SOX5: variants seen among roughly 807,000 people sequenced by gnomAD.
SOX5 encodes transcription factor SOX-5.
Under a neutral mutation model 92.0 loss-of-function variants are expected in SOX5, and 9 were observed. The ratio of observed to expected loss-of-function variants is 0.10; its 90% CI spans 0.06 to 0.17. The LOEUF (loss-of-function observed/expected upper bound fraction) is 0.17. SOX5 is among the 10% of genes least tolerant of loss of function. The pLI is 1.00. For missense variants in SOX5, 642 were observed against 944.5 expected, an observed-to-expected ratio of 0.68 and a Z score of 4.20; for synonymous variants, 344 against 336.3, an observed-to-expected ratio of 1.02 and a Z score of -0.25.
intron 1 of SOX5, among the ~76,000 whole-genome samples, chr12:24,512,202 C>G (rs983726356): frequency 6.6e-6 from 1 of 152,092 alleles, no homozygotes; most frequent in Non-Finnish European, 1.5e-5. Context: ...TGAATGAACT[C>G]GAGGTAAAGT....
chr12:23,654,164 C>A (rs780942042), intron 7 of SOX5, among the ~76,000 whole-genome samples: 2 of 151,794 alleles, frequency 1.3e-5, no homozygotes, highest in African/African-American at 4.8e-5. Flanking sequence ...GATAATGAAA[C>A]GGGACAGAGA....
intron 6 of SOX5, among the ~76,000 whole-genome samples, chr12:23,711,679 G>A (rs78146267): frequency 0.04 from 6,016 of 152,130 alleles, 205 homozygotes; most frequent in East Asian, 0.12. Flanking sequence ...AACAGAAAAC[G>A]TTAACAGAAA....
chr12:24,133,204 C>T (rs920718616), intron 4 of SOX5, among the ~76,000 whole-genome samples: 1 of 152,092 alleles, frequency 6.6e-6, no homozygotes. Context: ...CTTGCTACTG[C>T]GAGCAAGTAG....
chr12:24,060,243 C>A (rs1309808455), intron 4 of SOX5, among the ~76,000 whole-genome samples: 1 of 152,144 alleles, frequency 6.6e-6, no homozygotes. Context: ...GAAGTAGATA[C>A]AATTATTATC....
intron 4 of SOX5, among the ~76,000 whole-genome samples, chr12:24,122,952 T>C (rs1001486232): frequency 2.0e-5 from 3 of 152,232 alleles, no homozygotes; most frequent in Admixed American, 6.5e-5. Context: ...AGAGGCAAGT[T>C]CAATGTCAAC....
chr12:24,129,338 T>A (rs1395227370), intron 4 of SOX5, among the ~76,000 whole-genome samples: 1 of 152,170 alleles, frequency 6.6e-6, no homozygotes, highest in East Asian at 1.9e-4. Context: ...CCTTTACTAA[T>A]TTTTTTAAAG....
At chr12:23,563,684 T>A (rs1946594699) in intron 10 of SOX5, among the ~76,000 whole-genome samples, 1 of 152,248 alleles carries the variant, frequency 6.6e-6, no homozygotes, top group Non-Finnish European at 1.5e-5. Context: ...GAAAACCTAA[T>A]TTTTAAGTAA....
intron 8 of SOX5, among the ~76,000 whole-genome samples, chr12:23,631,555 A>G (rs1025312189): frequency 6.6e-6 from 1 of 152,122 alleles, no homozygotes; most frequent in African/African-American, 2.4e-5. Context: ...TATGTTTATT[A>G]GCCCAGAAAC....
chr12:23,577,271 C>T (rs1293546308), intron 9 of SOX5, among the ~76,000 whole-genome samples: 1 of 142,862 alleles, frequency 7.0e-6, no homozygotes, highest in Admixed American at 7.3e-5. Context: ...CTCGGCTCAT[C>T]GTGATCTCCG....
chr12:24,133,223 GTACA>G (rs1219931591), intron 4 of SOX5, among the ~76,000 whole-genome samples: 1 of 152,178 alleles, frequency 6.6e-6, no homozygotes, highest in Non-Finnish European at 1.5e-5. Flanking sequence ...AGATTACTCT[GTACA>G]TGTCACTCCC....
intron 13 of SOX5, among the ~76,000 whole-genome samples, chr12:23,539,596 G>T (rs1325957004): frequency 8.7e-6 from 1 of 114,794 alleles, no homozygotes; most frequent in East Asian, 3.1e-4. Flanking sequence ...AAAGAAAGCT[G>T]GTCTGGCTTA....
At chr12:23,797,162 G>A (rs914072726) in intron 3 of SOX5, among the ~76,000 whole-genome samples, 1 of 151,388 alleles carries the variant, frequency 6.6e-6, no homozygotes. Context: ...TCTTCTTTTG[G>A]TACCTTAACT....
intron 1 of SOX5, among the ~76,000 whole-genome samples, chr12:24,372,484 T>C (rs1252483548): frequency 1.3e-5 from 2 of 152,236 alleles, no homozygotes; most frequent in Non-Finnish European, 2.9e-5. Context: ...TATGGCTACA[T>C]AGTATTCTAT....
intron 4 of SOX5, among the ~76,000 whole-genome samples, chr12:23,988,170 T>C (rs1252724718): frequency 6.6e-6 from 1 of 152,166 alleles, no homozygotes; most frequent in Non-Finnish European, 1.5e-5. Context: ...TTTACAGTAA[T>C]GGAGGTGACA....
At position 24,225,914 on chromosome 12, in the gene SOX5, T is replaced by G. The variant is rs182779157; in HGVS notation, c.-76-12497A>C. 5.9e-5 allele frequency among the ~76,000 whole-genome samples: 9 copies of G among 152,312 alleles called. No homozygotes were observed. In the East Asian group the frequency reaches 1.7e-3, roughly 29 times the overall value. ...ATGGTAGGAGAAAAGGAGAAGGAAT[T>G]CCTGTTAGTTGTAGGAATCAAAGAA... On this transcript the variant is annotated intron_variant, in intron 3 of 4. Coordinates refer to the SOX5 transcript ENST00000446891.
intron 4 of SOX5, among the ~76,000 whole-genome samples, chr12:23,979,022 T>G (rs1473508185): frequency 6.6e-6 from 1 of 152,186 alleles, no homozygotes; most frequent in Non-Finnish European, 1.5e-5. Context: ...TAAGGCAATA[T>G]CTACTTATTC....
chr12:24,204,095 C>T (rs1957791898), intron 4 of SOX5, among the ~76,000 whole-genome samples: 1 of 152,032 alleles, frequency 6.6e-6, no homozygotes, highest in African/African-American at 2.4e-5. Context: ...TGTAATTAAT[C>T]AGTTTCATTA....
chr12:24,284,763 C>A (rs1036561185), intron 2 of SOX5, among the ~76,000 whole-genome samples: 2 of 152,128 alleles, frequency 1.3e-5, no homozygotes, highest in Non-Finnish European at 2.9e-5. Flanking sequence ...GTTCCTGAAG[C>A]CTAGGTTGCT....
intron 6 of SOX5, among the ~76,000 whole-genome samples, chr12:23,697,550 A>C (rs1186865873): frequency 6.6e-6 from 1 of 151,944 alleles, no homozygotes; most frequent in African/African-American, 2.4e-5. Flanking sequence ...TTTATTTATC[A>C]TGATTATTTA....
Sources: allele counts gnomAD v4.1 joint callset (sites outside exome capture counted in the v4.1 genomes callset), GRCh38; gene constraint gnomAD v4.1.1; transcripts MANE v1.5; gene names NCBI Gene and HGNC (gene_info 2026-07-23, HGNC 2026-07-21).